Variants in ASB18 observed in about 807,000 individuals in gnomAD.
ASB18 encodes ankyrin repeat and SOCS box containing 18, also known as ankyrin repeat and SOCS box protein 18.
ASB18 carries 33 observed loss-of-function variants against 33.4 expected under a neutral mutation model. That is an observed-to-expected ratio of 0.99 (90% CI 0.75 to 1.32). The LOEUF (loss-of-function observed/expected upper bound fraction) is 1.32, where lower values mean the gene tolerates loss of function less well. Among genes scored for constraint, ASB18 ranks in the 40% most tolerant of loss-of-function variants. ASB18 has a pLI of 0.00. For missense variants in ASB18, 694 were observed against 655.5 expected, an observed-to-expected ratio of 1.06 and a Z score of -0.64; for synonymous variants, 295 against 307.6, an observed-to-expected ratio of 0.96 and a Z score of 0.43.
chr2:236,237,738 C>T lies in ASB18; in HGVS notation c.547G>A (p.Ala183Thr), dbSNP rs562977794. The change falls in exon 3 of 6, where the codon GCC (alanine) becomes ACC (threonine). Residue 183 changes from alanine (A) to threonine (T), a missense_variant. Ala to Thr is a moderately conservative substitution (Grantham distance 58, BLOSUM62 0). Transcript: ENST00000409749. This position sits in a 1 kb window ranked among gnomAD's most constrained non-coding sequence, Gnocchi z 6.2. ...QHRADPDLLS[A>T]EGLAPLHLCR... ...AGGTGCAGAGGCGCCAGGCCCTCGG[C>T]GCTGAGCAGGTCGGGGTCGGCGCGG... The T allele has an allele frequency of 6.8e-6, 10 of 1,460,136 alleles. No homozygotes were observed. Among genetic ancestry groups the T allele is most frequent in the South Asian group, 1.3e-5 (1 of 76,966 alleles). The allele number at this position is 1,460,136 out of a possible 1,614,324, so 90.4% of individuals were successfully genotyped here.
In ASB18 at chr2:236,260,218, A is replaced by G. The variant is rs987073796; in HGVS notation, c.205+3923T>C. On this transcript the variant is annotated intron_variant, in intron 1 of 5. Coordinates refer to ENST00000409749, the MANE Select transcript of ASB18 (RefSeq NM_212556.4). This position sits in a 1 kb window ranked among gnomAD's most constrained non-coding sequence, Gnocchi z 5.1. ...TACTGGGCTTGTCCTTGGGATAGAA[A>G]CCTCTTCCCTCTTCTTTCCCCCAGG... 5.3e-5 allele frequency among the ~76,000 whole-genome samples: 8 copies of G among 152,014 alleles called. No individual in the cohort carries two copies. Among genetic ancestry groups the G allele is most frequent in the African/African-American group, 1.9e-4 (8 of 41,344 alleles).
chr2:236,214,198 C>T lies in ASB18; in HGVS notation c.1101+164G>A, dbSNP rs2060472588. On this transcript the variant is annotated intron_variant, in intron 4 of 5. Coordinates refer to ENST00000409749, the MANE Select transcript of ASB18 (RefSeq NM_212556.4). The surrounding 1 kb of genome is among the most constrained non-coding windows in gnomAD (Gnocchi z 6.5). ...CCCGGGAGCTTGTTGGCAATGCAGG[C>T]TCTCCCACCCCAGACCGGCAGAGCA... is the stretch of plus-strand genomic sequence containing the variant. 2 of 734,682 alleles carry T rather than the reference C, an allele frequency of 2.7e-6. No individual in the cohort carries two copies. Among genetic ancestry groups the T allele is most frequent in the Non-Finnish European group, 4.2e-6 (2 of 474,096 alleles). 45.5% of individuals were successfully genotyped at this position (734,682 alleles called of 1,614,324 possible).
rs149889496 is a variant in ASB18, at chr2:236,238,610, G to GGTGTGTGTGT, written c.329-664_329-655dup. ...GGTTTGTTTCTTTGCGCTTTTTAGG[G>GGTGTGTGTGT]GTGTGTGTGTGTGTGTGTGTAGGGT... On this transcript the variant is annotated intron_variant, in intron 2 of 5. Coordinates refer to ENST00000409749, the MANE Select transcript of ASB18 (RefSeq NM_212556.4). The surrounding 1 kb of genome is among the most constrained non-coding windows in gnomAD (Gnocchi z 5.2). Among the ~76,000 whole-genome samples, 1,266 of 150,372 alleles carry GGTGTGTGTGT rather than the reference G, an allele frequency of 8.4e-3. 3 individuals are homozygous for GGTGTGTGTGT. Among genetic ancestry groups the GGTGTGTGTGT allele is most frequent in the African/African-American group, 0.017 (709 of 40,884 alleles).
chr2:236,215,037 AAAG>A lies in ASB18; in HGVS notation c.597-174_597-172del, dbSNP rs2060481595. Among the ~76,000 whole-genome samples the A allele has an allele frequency of 6.6e-6, 1 of 151,916 alleles. No individual in the cohort carries two copies. Among genetic ancestry groups the A allele is most frequent in the Non-Finnish European group, 1.5e-5 (1 of 67,986 alleles). On this transcript the variant is annotated intron_variant, in intron 3 of 5. Transcript: ENST00000409749. This position sits in a 1 kb window ranked among gnomAD's most constrained non-coding sequence, Gnocchi z 7.2. ...CTAAACTGGAAAAAAAAAAAAAAAA[AAAG>A]AGATTATGGCAAAACCAGCTCCTGA...
At position 236,226,981 on chromosome 2, in the gene ASB18, C is replaced by CA. The variant is rs773963957; in HGVS notation, c.596+10707dup. Among the ~76,000 whole-genome samples, 1 of 152,088 alleles carries CA rather than the reference C, an allele frequency of 6.6e-6. No homozygotes were observed. Among genetic ancestry groups the CA allele is most frequent in the African/African-American group, 2.4e-5 (1 of 41,418 alleles). ...CAAAACTAAGAAATTAACAATGGTA[C>CA]AAGACTATTAACCAAACTGTTGACT... On this transcript the variant is annotated intron_variant, in intron 3 of 5. Coordinates refer to ENST00000409749, the MANE Select transcript of ASB18 (RefSeq NM_212556.4). This position sits in a 1 kb window ranked among gnomAD's most constrained non-coding sequence, Gnocchi z 4.8.
intron 3 of ASB18, among the ~76,000 whole-genome samples, chr2:236,227,801 C>T (rs1011839193): frequency 6.6e-6 from 1 of 152,232 alleles, no homozygotes. Flanking sequence ...TAGAAATCCA[C>T]TGGCATCCCA....
chr2:236,194,923 T>TG lies in ASB18; in HGVS notation c.1349dup (p.Pro452AlafsTer61), dbSNP rs1451031674. ...AAAGTAGGTAATTCTGCAGGGGCTT[T>TG]GGCAAGGGTAACAGGGGGATGAGGT... On this transcript the variant is annotated frameshift_variant, in exon 6 of 6. Coordinates refer to ENST00000409749, the MANE Select transcript of ASB18 (RefSeq NM_212556.4). LOFTEE classifies it high-confidence loss of function. This position sits in a 1 kb window ranked among gnomAD's most constrained non-coding sequence, Gnocchi z 4.5. The TG allele has an allele frequency of 6.8e-6, 11 of 1,613,720 alleles. No individual in the cohort carries two copies. In the Admixed American group the frequency reaches 8.3e-5, roughly 12 times the overall value.
rs2060420162 is a variant in ASB18, at chr2:236,203,963, CAGAG to C, written c.1102-7582_1102-7579del. Among the ~76,000 whole-genome samples, 2 of 152,164 alleles carry C rather than the reference CAGAG, an allele frequency of 1.3e-5. No individual in the cohort carries two copies. Among genetic ancestry groups the C allele is most frequent in the African/African-American group, 4.8e-5 (2 of 41,430 alleles). On this transcript the variant is annotated intron_variant, in intron 4 of 5. Coordinates refer to ENST00000409749, the MANE Select transcript of ASB18 (RefSeq NM_212556.4). This position sits in a 1 kb window ranked among gnomAD's most constrained non-coding sequence, Gnocchi z 6.0. Reference sequence around the variant, plus strand: ...GATCTGGGGAATAGTTTAGAGGAGACAGAGAGCCCAGTGAAGAAGATGTGTCCAT... The same window carrying C: ...GATCTGGGGAATAGTTTAGAGGAGACAGCCCAGTGAAGAAGATGTGTCCAT...
In ASB18 at chr2:236,219,462, T is replaced by A. The variant is rs1479326750; in HGVS notation, c.597-4596A>T. On this transcript the variant is annotated intron_variant, in intron 3 of 5. Transcript: ENST00000409749. This position sits in a 1 kb window ranked among gnomAD's most constrained non-coding sequence, Gnocchi z 6.4. ...GGTATAAGCAGCATTTTGGAACGTA[T>A]GTATGGCAATGCCCATGAGAAGGTG... Among the ~76,000 whole-genome samples the A allele has an allele frequency of 6.6e-6, 1 of 152,184 alleles. No homozygotes were observed. The highest frequency in any genetic ancestry group is 1.5e-5 in the Non-Finnish European group (1 of 68,036).
At position 236,234,360 on chromosome 2, in the gene ASB18, T is replaced by G. The variant is rs962274862; in HGVS notation, c.596+3329A>C. Among the ~76,000 whole-genome samples the G allele has an allele frequency of 3.3e-5, 5 of 152,238 alleles. No individual in the cohort carries two copies. The highest frequency in any genetic ancestry group is 7.3e-5 in the Non-Finnish European group (5 of 68,036). ...AATAGAGATACAGGCTGTGAACCTC[T>G]CAGCTCTGATCTAGGCATGGCTGCT... On this transcript the variant is annotated intron_variant, in intron 3 of 5. Transcript: ENST00000409749. This position sits in a 1 kb window ranked among gnomAD's most constrained non-coding sequence, Gnocchi z 4.1.
rs2060601078 is a variant in ASB18, at chr2:236,237,682, T to G, written c.596+7A>C. 5 of 1,442,208 alleles carry G rather than the reference T, an allele frequency of 3.5e-6. No homozygotes were observed. The highest frequency in any genetic ancestry group is 3.6e-6 in the Non-Finnish European group (4 of 1,103,956). 89.3% of individuals were successfully genotyped at this position (1,442,208 alleles called of 1,614,324 possible). The stretch of plus-strand genomic sequence containing the variant: ...CGGACGCCGCGGGCCTGTCCCGAGG[T>G]CCTTACCCGAGCGAGGCGGCCGTGC... On this transcript the variant is annotated splice_region_variant and intron_variant, in intron 3 of 5. Transcript: ENST00000409749. The surrounding 1 kb of genome is among the most constrained non-coding windows in gnomAD (Gnocchi z 6.2).
chr2:236,214,105 T>C lies in ASB18; in HGVS notation c.1101+257A>G. 3.9e-6 allele frequency: 2 copies of C among 508,218 alleles called. No individual in the cohort carries two copies. Among genetic ancestry groups the C allele is most frequent in the South Asian group, 5.3e-5 (2 of 37,544 alleles). The allele number at this position is 508,218 out of a possible 1,614,324, so 31.5% of individuals were successfully genotyped here. ...TGCAACCCCTTAATTGTCTCGTGGC[T>C]CTAACCAGAAGGCTTCTAGGCCCCT... On this transcript the variant is annotated intron_variant, in intron 4 of 5. Coordinates refer to ENST00000409749, the MANE Select transcript of ASB18 (RefSeq NM_212556.4). The surrounding 1 kb of genome is among the most constrained non-coding windows in gnomAD (Gnocchi z 6.5).
In ASB18 at chr2:236,259,468, G is replaced by A. The variant is rs536265339; in HGVS notation, c.205+4673C>T. Reference sequence around the variant, plus strand: ...CAGCCTAGCAAGGCCATGCACTTCCGTAATGGATGGAGACTAAGGGCTTTA... The same window carrying A: ...CAGCCTAGCAAGGCCATGCACTTCCATAATGGATGGAGACTAAGGGCTTTA... On this transcript the variant is annotated intron_variant, in intron 1 of 5. Transcript: ENST00000409749. The surrounding 1 kb of genome is among the most constrained non-coding windows in gnomAD (Gnocchi z 4.4). 31 of 468,110 alleles carry A rather than the reference G, an allele frequency of 6.6e-5. No individual in the cohort carries two copies. The East Asian group carries it at 8.4e-4, about 13-fold the overall frequency. The allele number at this position is 468,110 out of a possible 1,614,324, so 29.0% of individuals were successfully genotyped here.
At chr2:236,243,140 C>T (rs2106281306) in intron 1 of ASB18, among the ~76,000 whole-genome samples, 1 of 150,662 alleles carries the variant, frequency 6.6e-6, no homozygotes, top group East Asian at 2.0e-4. Flanking sequence ...ATCATCCTGG[C>T]TGACACAGTG....
In ASB18 at chr2:236,256,779, G is replaced by C; in HGVS notation, c.205+7362C>G. ...TCATACTTGGGGGGAGCTGAGACGC[G>C]ACCCTGTAGGATTTTTTTTCTTGTC... On this transcript the variant is annotated intron_variant, in intron 1 of 5. Coordinates refer to ENST00000409749, the MANE Select transcript of ASB18 (RefSeq NM_212556.4). The surrounding 1 kb of genome is among the most constrained non-coding windows in gnomAD (Gnocchi z 4.7). 6.6e-6 allele frequency among the ~76,000 whole-genome samples: 1 copy of C among 152,110 alleles called. No homozygotes were observed. The highest frequency in any genetic ancestry group is 1.5e-5 in the Non-Finnish European group (1 of 68,034).
At position 236,211,178 on chromosome 2, in the gene ASB18, C is replaced by T. The variant is rs1039696999; in HGVS notation, c.1101+3184G>A. On this transcript the variant is annotated intron_variant, in intron 4 of 5. Coordinates refer to ENST00000409749, the MANE Select transcript of ASB18 (RefSeq NM_212556.4). The surrounding 1 kb of genome is among the most constrained non-coding windows in gnomAD (Gnocchi z 5.0). ...GTGTGCTTCTCTGCCTTCCTACCTG[C>T]TGTCCAACAGGCCCAGCCCCAGCCT... 2.0e-5 allele frequency among the ~76,000 whole-genome samples: 3 copies of T among 152,204 alleles called. No individual in the cohort carries two copies. Among genetic ancestry groups the T allele is most frequent in the African/African-American group, 7.2e-5 (3 of 41,446 alleles).
chr2:236,237,861 G>A lies in ASB18; in HGVS notation c.424C>T (p.Arg142Cys), dbSNP rs760836174. 7 of 1,460,322 alleles carry A rather than the reference G, an allele frequency of 4.8e-6. No individual in the cohort carries two copies. Among genetic ancestry groups the A allele is most frequent in the South Asian group, 2.7e-5 (2 of 75,248 alleles). 90.5% of individuals were successfully genotyped at this position (1,460,322 alleles called of 1,614,324 possible). A position where few individuals can be genotyped will look rare whatever the true frequency, so the allele number is the denominator to read the frequency against. ...HTACVRHLLG[R>C]GADPDASPGG... ...GGGCTGGCGTCTGGGTCTGCGCCGCGGCCGAGCAGGTGTCGCACGCAGGCG... is the reference window on the plus strand; with the variant it reads ...GGGCTGGCGTCTGGGTCTGCGCCGCAGCCGAGCAGGTGTCGCACGCAGGCG... Residue 142 changes from arginine (R) to cysteine (C), a missense_variant, in exon 3 of 6, where the codon CGC becomes TGC. By Grantham distance (180) the Arg-to-Cys change is radical. Transcript: ENST00000409749. The surrounding 1 kb of genome is among the most constrained non-coding windows in gnomAD (Gnocchi z 6.2).
rs1368987140 is a variant in ASB18 at position 236,216,056 on chromosome 2, G to A, written c.597-1190C>T. ...TGCATCCTCAGTTCCCTTGAATGGA[G>A]GGGACCATGGCCATCCCCTACTCAA... On this transcript the variant is annotated intron_variant, in intron 3 of 5. Coordinates refer to ENST00000409749, the MANE Select transcript of ASB18 (RefSeq NM_212556.4). The surrounding 1 kb of genome is among the most constrained non-coding windows in gnomAD (Gnocchi z 6.1). Among the ~76,000 whole-genome samples, 3 of 152,140 alleles carry A rather than the reference G, an allele frequency of 2.0e-5. No homozygotes were observed. Among genetic ancestry groups the A allele is most frequent in the African/African-American group, 7.2e-5 (3 of 41,424 alleles).
chr2:236,221,534 C>T lies in ASB18; in HGVS notation c.597-6668G>A, dbSNP rs1036496129. Among the ~76,000 whole-genome samples the T allele has an allele frequency of 6.6e-6, 1 of 152,046 alleles. No individual in the cohort carries two copies. The highest frequency in any genetic ancestry group is 1.5e-5 in the Non-Finnish European group (1 of 68,022). On this transcript the variant is annotated intron_variant, in intron 3 of 5. Coordinates refer to ENST00000409749, the MANE Select transcript of ASB18 (RefSeq NM_212556.4). This position sits in a 1 kb window ranked among gnomAD's most constrained non-coding sequence, Gnocchi z 5.6. ...ATCTGATGGTTTGATAAGGGGAAAC[C>T]CCTTTTGCTTGGTTCTCATTCTCTC... is the stretch of plus-strand genomic sequence containing the variant.
Sources: allele counts gnomAD v4.1 joint callset (sites outside exome capture counted in the v4.1 genomes callset), GRCh38; gene constraint gnomAD v4.1.1; non-coding constraint Gnocchi (gnomAD v3.1); transcripts MANE v1.5; gene names NCBI Gene and HGNC (gene_info 2026-07-23, HGNC 2026-07-21).